Variants in ANKDD1A observed in about 807,000 individuals in gnomAD.
The protein encoded by ANKDD1A is ankyrin repeat and death domain containing 1A, also known as ankyrin repeat and death domain-containing protein 1A.
A neutral mutation model predicts 63.5 loss-of-function variants in ANKDD1A; 59 were observed. The observed-to-expected ratio is 0.93, with a 90% CI of 0.75 to 1.15. The LOEUF is 1.15. Ranked by LOEUF, ANKDD1A falls within the 50% of genes most tolerant of loss-of-function variation. The pLI is 0.00. For synonymous variants in ANKDD1A, 266 were observed against 263.9 expected (o/e 1.01, Z -0.08); for missense variants, 632 against 656.4 (o/e 0.96, Z 0.41).
chr15:64,929,496 C>A (rs112595486), intron 6 of ANKDD1A, among the ~76,000 whole-genome samples: 1 of 152,168 alleles, frequency 6.6e-6, no homozygotes, highest in African/African-American at 2.4e-5. Context: ...GACAACCCCA[C>A]GCAGGCTGAC....
intron 3 of ANKDD1A, among the ~76,000 whole-genome samples, chr15:64,921,516 A>G (rs2085006397): frequency 1.3e-5 from 2 of 152,112 alleles, no homozygotes; most frequent in African/African-American, 4.8e-5. Context: ...CTGGGATTAC[A>G]GGTGCCCACC....
chr15:64,953,699 TTTC>T (rs1312419125), intron 14 of ANKDD1A, among the ~76,000 whole-genome samples: 1,489 of 48,670 alleles, frequency 0.031, 31 homozygotes, highest in African/African-American at 0.071. Flanking sequence ...TCCCTTCTTC[TTTC>T]TTCTTCTCCT....
Position 64,942,579 on chromosome 15 carries a change from G to A in ANKDD1A, c.966+14G>A. The A allele has an allele frequency of 6.2e-7, 1 of 1,605,816 alleles. No individual in the cohort carries two copies. Among genetic ancestry groups the A allele is most frequent in the Non-Finnish European group, 8.5e-7 (1 of 1,175,556 alleles). The stretch of plus-strand genomic sequence containing the variant: ...GCCGTGGACAATGTAAGTGGCTACA[G>A]AGACCTTCCGGGCCCCAGGGAGCTT... On this transcript the variant is annotated intron_variant, in intron 10 of 14. Transcript: ENST00000319580.
intron 14 of ANKDD1A, chr15:64,951,237 T>C: frequency 1.3e-5 from 13 of 987,428 alleles, no homozygotes; most frequent in Non-Finnish European, 1.6e-5. Flanking sequence ...CCAACAGGTA[T>C]GGTCCTTTTG....
intron 8 of ANKDD1A, 93 bp downstream of exon 8, chr15:64,931,678 GT>G (rs1345914503): frequency 7.4e-7 from 1 of 1,347,014 alleles, no homozygotes; most frequent in East Asian, 2.4e-5. Flanking sequence ...TGAACCCTGA[GT>G]GAATAGAGGC....
intron 14 of ANKDD1A, among the ~76,000 whole-genome samples, chr15:64,953,536 C>T (rs1274176515): frequency 0.03 from 249 of 8,276 alleles, 3 homozygotes; most frequent in African/African-American, 0.05. Flanking sequence ...TTCTTCTCCT[C>T]TCCTTCTTCC....
intron 14 of ANKDD1A, among the ~76,000 whole-genome samples, chr15:64,951,651 CCTTCTAT>C (rs1158790030): frequency 6.1e-5 from 7 of 114,438 alleles, no homozygotes; most frequent in African/African-American, 1.5e-4. Flanking sequence ...TATCTTCTTT[CCTTCTAT>C]CTTCTTTTTC....
intron 12 of ANKDD1A, 94 bp downstream of exon 12, chr15:64,944,841 C>G: frequency 2.4e-6 from 3 of 1,225,560 alleles, no homozygotes; most frequent in Non-Finnish European, 3.4e-6. Context: ...CTGACCAATT[C>G]TGGGTCCCTC....
At chr15:64,918,794 A>G (rs1432906787) in intron 3 of ANKDD1A, among the ~76,000 whole-genome samples, 1 of 152,046 alleles carries the variant, frequency 6.6e-6, no homozygotes, top group Non-Finnish European at 1.5e-5. Flanking sequence ...TCTCTACTAA[A>G]AATACAAAAA....
chr15:64,957,353 T>C lies in ANKDD1A; in HGVS notation c.*165T>C, dbSNP rs1307914545. ...TAGAATACTTTCTGTGTTTTTATCT[T>C]ATACACATGAATAAATGCTATGGCT... On this transcript the variant is annotated 3_prime_UTR_variant, in exon 15 of 15. Coordinates refer to ENST00000319580, the MANE Select transcript of ANKDD1A (RefSeq NM_182703.6). 2 of 220,428 alleles carry C rather than the reference T, an allele frequency of 9.1e-6. No individual in the cohort carries two copies. The highest frequency in any genetic ancestry group is 2.4e-5 in the African/African-American group (1 of 41,888). 13.7% of individuals were successfully genotyped at this position (220,428 alleles called of 1,614,324 possible).
chr15:64,946,267 A>C (rs1283684489), intron 12 of ANKDD1A, among the ~76,000 whole-genome samples: 1 of 152,142 alleles, frequency 6.6e-6, no homozygotes, highest in East Asian at 1.9e-4. Flanking sequence ...TAAACCTATA[A>C]ATAATCTCAA....
In ANKDD1A at chr15:64,957,312, C is replaced by G; in HGVS notation, c.*124C>G. 3.6e-6 allele frequency: 1 copy of G among 281,312 alleles called. No homozygotes were observed. The highest frequency in any genetic ancestry group is 2.8e-5 in the South Asian group (1 of 35,264). The allele number at this position is 281,312 out of a possible 1,614,324, so 17.4% of individuals were successfully genotyped here. On this transcript the variant is annotated 3_prime_UTR_variant, in exon 15 of 15. Transcript: ENST00000319580. ...AATTTCACAATTATTCCTTTTTCCA[C>G]CTTAAATAATAAGAGTAGAATACTT...
intron 12 of ANKDD1A, among the ~76,000 whole-genome samples, chr15:64,945,964 C>A (rs2085219958): frequency 6.6e-6 from 1 of 152,038 alleles, no homozygotes; most frequent in Admixed American, 6.6e-5. Flanking sequence ...ATAACCCCAT[C>A]ATAAGTTGAG....
At chr15:64,953,466 CTT>C (rs2085341075) in intron 14 of ANKDD1A, among the ~76,000 whole-genome samples, 1 of 3,252 alleles carries the variant, frequency 3.1e-4, no homozygotes, top group Non-Finnish European at 3.0e-3. Flanking sequence ...TCTCCTTCTT[CTT>C]CTTCCTCTTC....
intron 1 of ANKDD1A, among the ~76,000 whole-genome samples, chr15:64,915,344 A>G (rs1482634126): frequency 6.6e-6 from 1 of 152,206 alleles, no homozygotes; most frequent in African/African-American, 2.4e-5. Context: ...GGAGTGGGGT[A>G]AACATGCCTC....
At chr15:64,923,564 G>A (rs150924122) in intron 4 of ANKDD1A, among the ~76,000 whole-genome samples, 1 of 152,268 alleles carries the variant, frequency 6.6e-6, no homozygotes, top group East Asian at 1.9e-4. Flanking sequence ...GCACATAAGA[G>A]GTCTGTCCCA....
intron 6 of ANKDD1A, among the ~76,000 whole-genome samples, chr15:64,928,038 A>C (rs1595849327): frequency 6.6e-6 from 1 of 152,300 alleles, no homozygotes; most frequent in East Asian, 1.9e-4. Context: ...ACACAAATGC[A>C]CTGCAGGGTC....
At chr15:64,954,562 CTCCTTGTTCTCCTTCT>C (rs2085390702) in intron 14 of ANKDD1A, among the ~76,000 whole-genome samples, 1 of 144,484 alleles carries the variant, frequency 6.9e-6, no homozygotes, top group Non-Finnish European at 1.5e-5. Flanking sequence ...CTTCTTCCTT[CTCCTTGTTCTCCTTCT>C]TCCTTATTCT....
At chr15:64,922,935 T>C (rs1220810275) in intron 4 of ANKDD1A, among the ~76,000 whole-genome samples, 3 of 152,238 alleles carry the variant, frequency 2.0e-5, no homozygotes, top group Non-Finnish European at 4.4e-5. Context: ...TTCTTACACT[T>C]ATCATTACAT....
Sources: gnomAD v4.1 joint callset for allele counts (sites outside exome capture counted in the v4.1 genomes callset) on GRCh38, gnomAD v4.1.1 for gene constraint, MANE v1.5 for transcripts, NCBI Gene and HGNC (gene_info 2026-07-23, HGNC 2026-07-21) for gene names.